Variants in NOTCH2 observed in about 807,000 individuals in gnomAD.
The protein encoded by NOTCH2 is notch receptor 2.
NOTCH2 carries 29 observed loss-of-function variants against 235.8 expected under a neutral mutation model. The observed-to-expected ratio is 0.12, with a 90% CI of 0.09 to 0.17. NOTCH2 has a LOEUF of 0.17. Among genes scored for constraint, NOTCH2 ranks in the 10% least tolerant of loss-of-function variants. NOTCH2 has a pLI of 1.00. For missense variants in NOTCH2, 2,285 were observed against 3,150.2 expected (o/e 0.73, Z 6.57); for synonymous variants, 1,086 against 1,141.5 (o/e 0.95, Z 0.98).
chr1:120,066,151 C>A (rs1655496759), intron 1 of NOTCH2, among the ~76,000 whole-genome samples: 1 of 152,144 alleles, frequency 6.6e-6, no homozygotes, highest in South Asian at 2.1e-4. Context: ...ACATTATATT[C>A]TATATCTCTT....
chr1:120,048,675 T>C (rs1553214023), intron 1 of NOTCH2, among the ~76,000 whole-genome samples: 3 of 143,690 alleles, frequency 2.1e-5, no homozygotes, highest in African/African-American at 8.1e-5. Flanking sequence ...CTCAAACTCC[T>C]GGTGTCAAGC....
chr1:120,065,799 A>G (rs1553216981), intron 1 of NOTCH2, among the ~76,000 whole-genome samples: 1 of 152,240 alleles, frequency 6.6e-6, no homozygotes, highest in Non-Finnish European at 1.5e-5. Context: ...AAATCAGGAA[A>G]GGGTGGAAGG....
In NOTCH2 at chr1:119,953,527, G is replaced by A; in HGVS notation, c.2365+16C>T. 1 of 1,613,692 alleles carries A rather than the reference G, an allele frequency of 6.2e-7. No homozygotes were observed. Among genetic ancestry groups the A allele is most frequent in the East Asian group, 2.2e-5 (1 of 44,870 alleles). ...AGACAAAGAGCAGACGCAGAAAGAT[G>A]TACTTTTGTTTTCACCTTTAAAGCC... On this transcript the variant is annotated intron_variant, in intron 14 of 33. Coordinates refer to ENST00000256646, the MANE Select transcript of NOTCH2 (RefSeq NM_024408.4).
At chr1:119,962,362 A>G (rs2453045) in intron 11 of NOTCH2, among the ~76,000 whole-genome samples, 148,977 of 152,298 alleles carry the variant, frequency 0.98, 72,947 homozygotes, top group East Asian at 1. Context: ...TTTTCCTACT[A>G]TAATTTCTCA....
At chr1:119,970,212 A>T (rs1651307222) in intron 5 of NOTCH2, among the ~76,000 whole-genome samples, 1 of 152,236 alleles carries the variant, frequency 6.6e-6, no homozygotes, top group African/African-American at 2.4e-5. Context: ...CAGTTCCATA[A>T]GATGATGTTA....
At chr1:119,944,084 G>T (rs944654351) in intron 17 of NOTCH2, among the ~76,000 whole-genome samples, 2 of 151,994 alleles carry the variant, frequency 1.3e-5, no homozygotes, top group Non-Finnish European at 1.5e-5. Flanking sequence ...AATCAACCTT[G>T]CAGCCTAATA....
chr1:119,966,573 T>TACATCCTTTGCG, intron 8 of NOTCH2, 84 bp from the exon 9 acceptor site: 3 of 913,696 alleles, frequency 3.3e-6, no homozygotes, highest in Non-Finnish European at 5.5e-6. Flanking sequence ...CAATGATAAC[T>TACATCCTTTGCG]ACATCCTTTG....
chr1:120,025,488 G>A (rs1196450263), intron 2 of NOTCH2, among the ~76,000 whole-genome samples: 4 of 149,220 alleles, frequency 2.7e-5, no homozygotes, highest in South Asian at 2.2e-4. Context: ...CCACCCTAAC[G>A]TGTCCTAAAA....
At chr1:120,045,874 C>A (rs75099105) in intron 1 of NOTCH2, among the ~76,000 whole-genome samples, 1 of 152,272 alleles carries the variant, frequency 6.6e-6, no homozygotes, top group African/African-American at 2.4e-5. Context: ...GGTGTGTGTA[C>A]CCCAGAAGCA....
intron 22 of NOTCH2, chr1:119,935,135 G>T: frequency 8.2e-7 from 1 of 1,212,142 alleles, no homozygotes; most frequent in Non-Finnish European, 1.0e-6. Context: ...GTTTATTTTA[G>T]AGGCCATTAG....
intron 25 of NOTCH2, 115 bp downstream of exon 25, chr1:119,925,190 T>C: frequency 1.5e-6 from 2 of 1,316,962 alleles, no homozygotes; most frequent in Non-Finnish European, 2.2e-6. Flanking sequence ...GCTGGCACCA[T>C]CTGAAAAGCA....
At chr1:119,961,608 CT>C (rs1650941298) in intron 11 of NOTCH2, among the ~76,000 whole-genome samples, 1 of 152,222 alleles carries the variant, frequency 6.6e-6, no homozygotes, top group Admixed American at 6.5e-5. Flanking sequence ...TAAGCTCTTT[CT>C]GTTTCTTTGT....
intron 5 of NOTCH2, 141 bp downstream of exon 5, chr1:119,986,819 T>C (rs1160195956): frequency 2.0e-6 from 2 of 1,022,834 alleles, no homozygotes; most frequent in Non-Finnish European, 1.5e-6. Flanking sequence ...TAAGCAATGA[T>C]CTAGCATGGA....
chr1:119,984,719 T>C (rs1239347504), intron 5 of NOTCH2, among the ~76,000 whole-genome samples: 1 of 152,198 alleles, frequency 6.6e-6, no homozygotes, highest in Non-Finnish European at 1.5e-5. Flanking sequence ...TAAGGAGTGC[T>C]AGTAACTGCT....
At chr1:119,985,361 C>T (rs973391593) in intron 5 of NOTCH2, among the ~76,000 whole-genome samples, 8 of 152,052 alleles carry the variant, frequency 5.3e-5, no homozygotes, top group Admixed American at 2.6e-4. Flanking sequence ...AATATAAAAA[C>T]GGAAACATCT....
chr1:119,941,764 T>C lies in NOTCH2; in HGVS notation c.2753-10A>G, dbSNP rs1553196501. ...CCATTCTGGCAAGGATCTAAGCCAT[T>C]ACAAAAGAATTAGACCTCTGAAGAG... On this transcript the variant is annotated splice_polypyrimidine_tract_variant and intron_variant, in intron 17 of 33. Coordinates refer to ENST00000256646, the MANE Select transcript of NOTCH2 (RefSeq NM_024408.4). 6.3e-7 allele frequency: 1 copy of C among 1,593,840 alleles called. No individual in the cohort carries two copies. Among genetic ancestry groups the C allele is most frequent in the South Asian group, 1.1e-5 (1 of 90,570 alleles).
In NOTCH2 at chr1:119,914,379, G is replaced by A. The variant is rs1648991994; in HGVS notation, c.*927C>T. On this transcript the variant is annotated 3_prime_UTR_variant, in exon 34 of 34. Transcript: ENST00000256646. ...CAAACCTTTTTCTGGTTTTAAAAAA[G>A]TGGGGAGGGTCATAGTAACTAGACT... The A allele has an allele frequency of 4.3e-6, 1 of 232,918 alleles. No homozygotes were observed. Among genetic ancestry groups the A allele is most frequent in the Admixed American group, 5.6e-5 (1 of 17,772 alleles). 14.4% of individuals were successfully genotyped at this position (232,918 alleles called of 1,614,324 possible).
intron 22 of NOTCH2, among the ~76,000 whole-genome samples, chr1:119,932,715 A>C (rs1483768970): frequency 6.6e-6 from 1 of 152,190 alleles, no homozygotes; most frequent in Admixed American, 6.5e-5. Flanking sequence ...AGTAAAAAAA[A>C]ATCAAGTGCA....
At chr1:119,917,135 G>A (rs1470877745) in intron 33 of NOTCH2, among the ~76,000 whole-genome samples, 1 of 151,676 alleles carries the variant, frequency 6.6e-6, no homozygotes, top group Non-Finnish European at 1.5e-5. Flanking sequence ...AAAAACTAAG[G>A]CATGCACAGA....
Sources: gnomAD v4.1 joint callset for allele counts (sites outside exome capture counted in the v4.1 genomes callset) on GRCh38, gnomAD v4.1.1 for gene constraint, MANE v1.5 for transcripts, NCBI Gene and HGNC (gene_info 2026-07-23, HGNC 2026-07-21) for gene names.